The following FBXW7 variants were observed in gnomAD, a reference collection of about 807,000 sequenced individuals.
The protein encoded by FBXW7 is F-box and WD repeat domain containing 7.
Under a neutral mutation model 86.3 loss-of-function variants are expected in FBXW7, and 11 were observed. The ratio of observed to expected loss-of-function variants is 0.13; its 90% confidence interval spans 0.08 to 0.21. FBXW7 has a LOEUF of 0.21. FBXW7 is among the 10% of genes least tolerant of loss of function. The pLI is 1.00. For synonymous variants in FBXW7, 313 were observed against 297.9 expected, an observed-to-expected ratio of 1.05 and a Z score of -0.52; for missense variants, 488 against 847.4, an observed-to-expected ratio of 0.58 and a Z score of 5.27.
intron 2 of FBXW7, among the ~76,000 whole-genome samples, chr4:152,445,535 A>G (rs1021925338): frequency 6.6e-6 from 1 of 152,096 alleles, no homozygotes; most frequent in Non-Finnish European, 1.5e-5. Context: ...GAGTTGTAGA[A>G]CCTCTCTGAG....
chr4:152,378,394 C>G lies in FBXW7; in HGVS notation c.502-28270G>C, dbSNP rs147364977. Reference sequence around the variant, plus strand: ...GGGTCTCAGATGCATAAATCCTTGTCCCTTATCTGTGCTCCATCCTTTCCA... The same window carrying G: ...GGGTCTCAGATGCATAAATCCTTGTGCCTTATCTGTGCTCCATCCTTTCCA... On this transcript the variant is annotated intron_variant, in intron 4 of 13. Coordinates refer to ENST00000281708, the MANE Select transcript of FBXW7 (RefSeq NM_001349798.2). Among the ~76,000 whole-genome samples the G allele has an allele frequency of 3.0e-3, 463 of 152,204 alleles. 1 individual carries two copies. The highest frequency in any genetic ancestry group is 0.01 in the African/African-American group (436 of 41,534).
intron 4 of FBXW7, among the ~76,000 whole-genome samples, chr4:152,409,732 A>G (rs1737757067): frequency 6.6e-6 from 1 of 151,076 alleles, no homozygotes; most frequent in Non-Finnish European, 1.5e-5. Flanking sequence ...ACACACATCT[A>G]TACTGTACAT....
At chr4:152,379,767 AAATT>A (rs1227584602) in intron 4 of FBXW7, among the ~76,000 whole-genome samples, 1 of 152,228 alleles carries the variant, frequency 6.6e-6, no homozygotes, top group Non-Finnish European at 1.5e-5. Flanking sequence ...CAATGCTTAT[AAATT>A]ATCTCAGATG....
intron 4 of FBXW7, among the ~76,000 whole-genome samples, chr4:152,354,429 A>G (rs370326028): frequency 8.5e-5 from 13 of 152,126 alleles, no homozygotes; most frequent in African/African-American, 3.1e-4. Context: ...GGGGGAAAAA[A>G]GGTGATTTTC....
At chr4:152,498,521 G>A (rs1465712827) in intron 2 of FBXW7, among the ~76,000 whole-genome samples, 1 of 152,298 alleles carries the variant, frequency 6.6e-6, no homozygotes, top group African/African-American at 2.4e-5. Flanking sequence ...TGACTGTGCT[G>A]AACCTTGAAT....
chr4:152,440,563 T>G (rs1225142549), intron 2 of FBXW7, among the ~76,000 whole-genome samples: 3 of 152,234 alleles, frequency 2.0e-5, no homozygotes, highest in Non-Finnish European at 4.4e-5. Context: ...TACCTGAAAT[T>G]TTGTTTTACA....
intron 4 of FBXW7, among the ~76,000 whole-genome samples, chr4:152,375,158 A>G (rs1303776511): frequency 6.6e-6 from 1 of 152,086 alleles, no homozygotes; most frequent in Non-Finnish European, 1.5e-5. Flanking sequence ...GCTAAGTAAC[A>G]GTGCTATAGG....
chr4:152,434,881 G>C (rs935860767), intron 2 of FBXW7, among the ~76,000 whole-genome samples: 2 of 151,800 alleles, frequency 1.3e-5, no homozygotes, highest in African/African-American at 4.8e-5. Flanking sequence ...TTATCCTACA[G>C]AACAGTGGTT....
chr4:152,417,357 G>C (rs963786076), intron 2 of FBXW7, among the ~76,000 whole-genome samples: 2 of 152,106 alleles, frequency 1.3e-5, no homozygotes, highest in African/African-American at 2.4e-5. Context: ...GCAGATGTAA[G>C]AAACCCAGAT....
intron 4 of FBXW7, among the ~76,000 whole-genome samples, chr4:152,404,415 A>C (rs1469832778): frequency 6.6e-6 from 1 of 152,232 alleles, no homozygotes; most frequent in Non-Finnish European, 1.5e-5. Flanking sequence ...ATAATTCCTA[A>C]CATTTGGTAC....
At chr4:152,469,525 C>T (rs962434589) in intron 2 of FBXW7, among the ~76,000 whole-genome samples, 2 of 152,040 alleles carry the variant, frequency 1.3e-5, no homozygotes, top group Admixed American at 6.5e-5. Flanking sequence ...GTATTTGGTT[C>T]ATGTTGGCAT....
At chr4:152,420,619 T>C (rs1344140675) in intron 2 of FBXW7, among the ~76,000 whole-genome samples, 2 of 152,286 alleles carry the variant, frequency 1.3e-5, no homozygotes, top group South Asian at 2.1e-4. Context: ...GGCTACACAA[T>C]AGATGTTATT....
intron 2 of FBXW7, among the ~76,000 whole-genome samples, chr4:152,465,351 A>G (rs1743307052): frequency 6.6e-6 from 1 of 152,218 alleles, no homozygotes. Context: ...TAATTCAGCC[A>G]TAAATAGGTC....
chr4:152,376,637 T>G (rs1579037382), intron 4 of FBXW7, among the ~76,000 whole-genome samples: 1 of 152,080 alleles, frequency 6.6e-6, no homozygotes, highest in African/African-American at 2.4e-5. Context: ...AACTGAACAA[T>G]GAAGAAAAAC....
chr4:152,352,956 A>G (rs1731996464), intron 4 of FBXW7: 2 of 1,394,610 alleles, frequency 1.4e-6, no homozygotes, highest in Non-Finnish European at 1.9e-6. Flanking sequence ...GGGAACCCGT[A>G]AGAACACAAC....
Position 152,429,459 on chromosome 4 carries a change from G to A in FBXW7, c.-119-16930C>T, listed in dbSNP as rs116150387. 8.9e-3 allele frequency among the ~76,000 whole-genome samples: 1,359 copies of A among 152,224 alleles called. 17 individuals carry two copies. Among genetic ancestry groups the A allele is most frequent in the East Asian group, 0.042 (217 of 5,180 alleles). ...AGCAATGTGTAGGAGGTCTGAGAAA[G>A]AGAGAGTTGTAGTTATCTCAACAAG... is the stretch of plus-strand genomic sequence containing the variant. On this transcript the variant is annotated intron_variant, in intron 2 of 13. Transcript: ENST00000281708.
At chr4:152,417,585 A>G (rs919359200) in intron 2 of FBXW7, among the ~76,000 whole-genome samples, 12 of 152,240 alleles carry the variant, frequency 7.9e-5, no homozygotes, top group Admixed American at 5.9e-4. Context: ...AGCATGAGGA[A>G]TAATCCATAT....
chr4:152,439,624 G>A (rs201351492), intron 2 of FBXW7, among the ~76,000 whole-genome samples: 6 of 152,006 alleles, frequency 3.9e-5, no homozygotes, highest in African/African-American at 4.8e-5. Flanking sequence ...CCAGCACTTC[G>A]GGAGGCTGAG....
chr4:152,363,083 G>T (rs1578996893), intron 4 of FBXW7, among the ~76,000 whole-genome samples: 1 of 147,852 alleles, frequency 6.8e-6, no homozygotes, highest in African/African-American at 2.4e-5. Flanking sequence ...CACAATATTT[G>T]TTTATCATTT....
Sources: gnomAD v4.1 joint callset for allele counts (sites outside exome capture counted in the v4.1 genomes callset) on GRCh38, gnomAD v4.1.1 for gene constraint, MANE v1.5 for transcripts, NCBI Gene and HGNC (gene_info 2026-07-23, HGNC 2026-07-21) for gene names.